The following RPS6KC1 variants were observed in gnomAD, a reference collection of about 807,000 sequenced individuals.
The protein encoded by RPS6KC1 is inactive ribosomal protein S6 kinase delta-1.
Under a neutral mutation model 103.8 loss-of-function variants are expected in RPS6KC1, and 54 were observed. The observed-to-expected ratio is 0.52, with a 90% CI of 0.42 to 0.65. RPS6KC1 has a LOEUF of 0.65. Ranked by LOEUF, RPS6KC1 falls within the 30% of genes least tolerant of loss-of-function variation. RPS6KC1 has a pLI of 0.00. For synonymous variants in RPS6KC1, 439 were observed against 438.7 expected (o/e 1.00, Z -0.01); for missense variants, 1,151 against 1,253.8 (o/e 0.92, Z 1.24).
Position 213,272,808 on chromosome 1 carries a change from G to C in RPS6KC1, c.*174G>C. The C allele has an allele frequency of 1.9e-6, 1 of 535,986 alleles. No individual in the cohort carries two copies. The highest frequency in any genetic ancestry group is 3.4e-6 in the Non-Finnish European group (1 of 294,436). 33.2% of individuals were successfully genotyped at this position (535,986 alleles called of 1,614,324 possible). On this transcript the variant is annotated 3_prime_UTR_variant, in exon 15 of 15. Transcript: ENST00000366960. ...GAGAACAATTCGTTTACAATTACAA[G>C]ATATTAGCTAATTGTGCCAGGGGCT...
At chr1:213,737,961 A>T in the RPS6KC1 span, among the ~76,000 whole-genome samples, 1 of 152,132 alleles carries the variant, frequency 6.6e-6, no homozygotes, top group Admixed American at 6.5e-5. Context: ...TTAACCCCAA[A>T]CTGAGCCTGG....
At chr1:213,212,078 G>A (rs34868056) in intron 8 of RPS6KC1, among the ~76,000 whole-genome samples, 67,757 of 151,736 alleles carry the variant, frequency 0.45, 18,778 homozygotes, top group Non-Finnish European at 0.62. Context: ...TTTCATTGAC[G>A]CATCATAATG....
intron 3 of RPS6KC1, among the ~76,000 whole-genome samples, chr1:213,096,174 T>G (rs1162549154): frequency 6.6e-6 from 1 of 152,120 alleles, no homozygotes; most frequent in Non-Finnish European, 1.5e-5. Flanking sequence ...TCACCAGGAG[T>G]AGACTCCTTC....
At chr1:213,444,174 C>G in the RPS6KC1 span, among the ~76,000 whole-genome samples, 1 of 152,186 alleles carries the variant, frequency 6.6e-6, no homozygotes, top group Non-Finnish European at 1.5e-5. Flanking sequence ...GGCATTCTCT[C>G]TCTGTGCATG....
the RPS6KC1 span, among the ~76,000 whole-genome samples, chr1:213,703,775 G>C: frequency 1.2e-4 from 18 of 152,058 alleles, no homozygotes; most frequent in Admixed American, 1.2e-3. Context: ...TTACTTTGGG[G>C]AGTTTGATTA....
chr1:213,438,064 GTATCT>G, the RPS6KC1 span, among the ~76,000 whole-genome samples: 1 of 151,910 alleles, frequency 6.6e-6, no homozygotes, highest in Non-Finnish European at 1.5e-5. Flanking sequence ...TTCTTCTGCT[GTATCT>G]AATCTGGTGT....
chr1:213,276,561 A>G (rs555105734), downstream of RPS6KC1, among the ~76,000 whole-genome samples: 3 of 152,312 alleles, frequency 2.0e-5, no homozygotes, highest in African/African-American at 4.8e-5. Context: ...TTACAAGTAT[A>G]TGATGGATTT....
chr1:213,824,526 T>C, the RPS6KC1 span, among the ~76,000 whole-genome samples: 1 of 152,228 alleles, frequency 6.6e-6, no homozygotes, highest in East Asian at 1.9e-4. Flanking sequence ...ATTGATATGG[T>C]TTGGCTATGT....
At chr1:213,616,270 G>A in the RPS6KC1 span, among the ~76,000 whole-genome samples, 5 of 152,252 alleles carry the variant, frequency 3.3e-5, no homozygotes, top group African/African-American at 1.2e-4. Context: ...GATCAGGAAG[G>A]GGAGGTCTGT....
chr1:213,421,126 T>C, the RPS6KC1 span, among the ~76,000 whole-genome samples: 1 of 152,196 alleles, frequency 6.6e-6, no homozygotes, highest in Non-Finnish European at 1.5e-5. Context: ...GGTTTTTTTG[T>C]TTGTTCATTT....
At chr1:213,485,916 A>G in the RPS6KC1 span, among the ~76,000 whole-genome samples, 1 of 152,216 alleles carries the variant, frequency 6.6e-6, no homozygotes, top group African/African-American at 2.4e-5. Context: ...GTCATTTACA[A>G]AAAGAGAGCA....
At chr1:213,704,204 G>A in the RPS6KC1 span, among the ~76,000 whole-genome samples, 1 of 150,924 alleles carries the variant, frequency 6.6e-6, no homozygotes, top group Non-Finnish European at 1.5e-5. Context: ...TGGCTAACAC[G>A]GTGAAACCCC....
At chr1:213,294,800 A>G in the RPS6KC1 span, among the ~76,000 whole-genome samples, 1 of 152,202 alleles carries the variant, frequency 6.6e-6, no homozygotes, top group Non-Finnish European at 1.5e-5. Context: ...AATTTTAAGA[A>G]TCTTACTTGT....
chr1:213,360,974 G>T, the RPS6KC1 span, among the ~76,000 whole-genome samples: 1 of 152,232 alleles, frequency 6.6e-6, no homozygotes, highest in East Asian at 1.9e-4. Flanking sequence ...CCCTACTGGG[G>T]GGTGCCTCCC....
At position 213,260,756 on chromosome 1, in the gene RPS6KC1, C is replaced by CAA. The variant is rs35685015; in HGVS notation, c.2912-785_2912-784dup. On this transcript the variant is annotated intron_variant, in intron 12 of 14. Transcript: ENST00000366960. ...AAGATAATGTAAGGGCTAAAAGCCT[C>CAA]AAAAAAAAAAAAAAAAAAGGTGAAA... Among the ~76,000 whole-genome samples the CAA allele has an allele frequency of 3.2e-3, 384 of 121,632 alleles. 2 individuals are homozygous for CAA. The highest frequency in any genetic ancestry group is 0.011 in the African/African-American group (358 of 32,770). The allele number at this position is 121,632 out of a possible 152,430, so 79.8% of individuals were successfully genotyped here. A position where few individuals can be genotyped will look rare whatever the true frequency, so the allele number is the denominator to read the frequency against.
At chr1:213,177,677 T>C (rs556007340) in intron 8 of RPS6KC1, among the ~76,000 whole-genome samples, 3 of 152,208 alleles carry the variant, frequency 2.0e-5, no homozygotes, top group Non-Finnish European at 4.4e-5. Context: ...CTGTGGCTTT[T>C]CCAGTTTGGA....
chr1:213,272,647 G>T lies in RPS6KC1; in HGVS notation c.*13G>T, dbSNP rs752616574. Reference sequence around the variant, plus strand: ...ACTGATGAGATGAACGTAATGCAGGGTTATCTTCACACATTCTGATCTTCT... The same window carrying T: ...ACTGATGAGATGAACGTAATGCAGGTTTATCTTCACACATTCTGATCTTCT... On this transcript the variant is annotated 3_prime_UTR_variant, in exon 15 of 15. Transcript: ENST00000366960. The T allele has an allele frequency of 6.4e-7, 1 of 1,570,682 alleles. No homozygotes were observed. Among genetic ancestry groups the T allele is most frequent in the South Asian group, 1.1e-5 (1 of 90,198 alleles).
the RPS6KC1 span, among the ~76,000 whole-genome samples, chr1:213,492,126 G>T: frequency 7.2e-5 from 11 of 152,182 alleles, no homozygotes; most frequent in Non-Finnish European, 1.5e-4. Flanking sequence ...TAGGGGTTCG[G>T]CATGACACCA....
At chr1:213,407,941 C>T in the RPS6KC1 span, among the ~76,000 whole-genome samples, 4 of 152,160 alleles carry the variant, frequency 2.6e-5, no homozygotes, top group African/African-American at 4.8e-5. Flanking sequence ...CCTTAGAGTA[C>T]AGCCTGACAC....
Sources: allele counts gnomAD v4.1 joint callset (sites outside exome capture counted in the v4.1 genomes callset), GRCh38; gene constraint gnomAD v4.1.1; transcripts MANE v1.5; gene names NCBI Gene and HGNC (gene_info 2026-07-23, HGNC 2026-07-21).